ARHGAP24: variants seen among roughly 807,000 people sequenced by gnomAD.
The protein encoded by ARHGAP24 is Rho GTPase activating protein 24.
ARHGAP24 carries 50 observed loss-of-function variants against 76.4 expected under a neutral mutation model. The ratio of observed to expected loss-of-function variants is 0.65; its 90% CI spans 0.52 to 0.83. The LOEUF is 0.83. Ranked by LOEUF, ARHGAP24 falls within the 40% of genes least tolerant of loss-of-function variation. The pLI is 0.00. For missense variants in ARHGAP24, 930 were observed against 914.2 expected, an observed-to-expected ratio of 1.02 and a Z score of -0.22; for synonymous variants, 345 against 323.3, an observed-to-expected ratio of 1.07 and a Z score of -0.72.
intron 1 of ARHGAP24, among the ~76,000 whole-genome samples, chr4:85,514,817 TA>T (rs773699457): frequency 0.06 from 4,970 of 82,380 alleles, 188 homozygotes; most frequent in African/African-American, 0.08. Flanking sequence ...CTCTAAATTG[TA>T]AAAAAAAAAA....
intron 1 of ARHGAP24, among the ~76,000 whole-genome samples, chr4:85,499,765 G>T: frequency 6.6e-6 from 1 of 152,348 alleles, no homozygotes; most frequent in East Asian, 1.9e-4. Flanking sequence ...CTAGGTCTGT[G>T]CTGTTCCGTG....
intron 2 of ARHGAP24, among the ~76,000 whole-genome samples, chr4:85,627,059 C>A (rs1455273229): frequency 6.6e-6 from 1 of 152,154 alleles, no homozygotes; most frequent in Admixed American, 6.5e-5. Context: ...TCATCTGAAG[C>A]CTTCTTCTCT....
chr4:85,646,063 CA>C (rs1159127316), intron 2 of ARHGAP24, among the ~76,000 whole-genome samples: 4 of 152,008 alleles, frequency 2.6e-5, no homozygotes, highest in African/African-American at 7.2e-5. Flanking sequence ...TACAAAATAA[CA>C]AGAGTAAGTG....
Position 85,813,818 on chromosome 4 carries a change from T to TTATATATATATATATATATATATATATA in ARHGAP24, c.268+91871_268+91872insATATATATATATATATATATATATATAT, listed in dbSNP as rs35261368. ...TTATATAAATATATATATATTTATT[T>TTATATATATATATATATATATATATATA]TATATATATATATATATATATATAT... On this transcript the variant is annotated intron_variant, in intron 3 of 9. Coordinates refer to ENST00000395184, the MANE Select transcript of ARHGAP24 (RefSeq NM_001025616.3). Among the ~76,000 whole-genome samples, 88 of 137,072 alleles carry TTATATATATATATATATATATATATATA rather than the reference T, an allele frequency of 6.4e-4. 1 individual carries two copies. The highest frequency in any genetic ancestry group is 2.4e-3 in the African/African-American group (85 of 36,096). The allele number at this position is 137,072 out of a possible 152,430, so 89.9% of individuals were successfully genotyped here.
rs1194967764 is a variant in ARHGAP24 at position 86,002,315 on chromosome 4, T to TATC, written c.*1595_*1597dup. On this transcript the variant is annotated 3_prime_UTR_variant, in exon 10 of 10. Transcript: ENST00000395184. ...TGAGCAAGCGTCTGTGGTCCTATGG[T>TATC]ATCAACCAGTATCTTTATAGCAATA... 2.0e-5 allele frequency: 3 copies of TATC among 152,220 alleles called. No homozygotes were observed. The highest frequency in any genetic ancestry group is 4.4e-5 in the Non-Finnish European group (3 of 68,032). 9.4% of individuals were successfully genotyped at this position (152,220 alleles called of 1,614,324 possible).
intron 2 of ARHGAP24, among the ~76,000 whole-genome samples, chr4:85,620,732 C>T (rs976230763): frequency 6.6e-6 from 1 of 151,630 alleles, no homozygotes; most frequent in African/African-American, 2.4e-5. Context: ...CATTAAGGTA[C>T]AATCTTAGGT....
intron 3 of ARHGAP24, among the ~76,000 whole-genome samples, chr4:85,915,453 G>A (rs1735328682): frequency 6.6e-6 from 1 of 152,082 alleles, no homozygotes; most frequent in Non-Finnish European, 1.5e-5. Flanking sequence ...TAAGTTATGG[G>A]ATACATGTGC....
intron 3 of ARHGAP24, among the ~76,000 whole-genome samples, chr4:85,911,144 G>C (rs1182687498): frequency 6.6e-6 from 1 of 152,192 alleles, no homozygotes; most frequent in African/African-American, 2.4e-5. Flanking sequence ...CCAGGAGGGC[G>C]GGGCTCCTGC....
chr4:85,522,125 T>C (rs141964583), intron 1 of ARHGAP24, among the ~76,000 whole-genome samples: 50 of 152,278 alleles, frequency 3.3e-4, no homozygotes, highest in African/African-American at 1.2e-3. Flanking sequence ...AAAAATTCAT[T>C]AAAACAAATA....
At chr4:85,932,819 G>A (rs1323535284) in intron 4 of ARHGAP24, among the ~76,000 whole-genome samples, 11 of 152,146 alleles carry the variant, frequency 7.2e-5, no homozygotes, top group East Asian at 1.9e-4. Context: ...TCTGGAGCCC[G>A]CTGCATCCCA....
intron 3 of ARHGAP24, among the ~76,000 whole-genome samples, chr4:85,900,881 C>A (rs955813862): frequency 6.6e-6 from 1 of 152,164 alleles, no homozygotes; most frequent in Non-Finnish European, 1.5e-5. Flanking sequence ...TGTTCTCTTG[C>A]AATAGCAGAA....
chr4:85,824,944 G>T (rs1729642786), intron 3 of ARHGAP24, among the ~76,000 whole-genome samples: 1 of 152,058 alleles, frequency 6.6e-6, no homozygotes, highest in South Asian at 2.1e-4. Flanking sequence ...ATAAAAATTA[G>T]CCAGGTGTGA....
intron 5 of ARHGAP24, among the ~76,000 whole-genome samples, chr4:85,945,046 A>G (rs747546988): frequency 7.9e-5 from 12 of 151,910 alleles, no homozygotes; most frequent in African/African-American, 2.4e-5. Context: ...GAGTTTCTCC[A>G]TGTTGGTCAG....
chr4:85,498,486 T>G (rs1318708179), intron 1 of ARHGAP24, among the ~76,000 whole-genome samples: 1 of 152,252 alleles, frequency 6.6e-6, no homozygotes, highest in Non-Finnish European at 1.5e-5. Flanking sequence ...GAGAGTGACC[T>G]GTGCCCTGTT....
intron 2 of ARHGAP24, among the ~76,000 whole-genome samples, chr4:85,630,376 C>T (rs1458573519): frequency 6.6e-6 from 1 of 152,150 alleles, no homozygotes; most frequent in Non-Finnish European, 1.5e-5. Flanking sequence ...ACTGTTTCTT[C>T]ATTTTGTTCT....
chr4:85,668,406 A>G (rs1317225222), intron 2 of ARHGAP24, among the ~76,000 whole-genome samples: 1 of 152,218 alleles, frequency 6.6e-6, no homozygotes, highest in Admixed American at 6.5e-5. Context: ...CTAGGAGAAT[A>G]AAATTATATC....
At chr4:85,572,472 G>A (rs1050454344) in intron 2 of ARHGAP24, among the ~76,000 whole-genome samples, 1 of 152,136 alleles carries the variant, frequency 6.6e-6, no homozygotes, top group African/African-American at 2.4e-5. Flanking sequence ...ACGGACCACA[G>A]TCTTGGATCC....
chr4:85,879,945 CA>C lies in ARHGAP24; in HGVS notation c.269-43701del, dbSNP rs746099517. On this transcript the variant is annotated intron_variant, in intron 3 of 9. Coordinates refer to ENST00000395184, the MANE Select transcript of ARHGAP24 (RefSeq NM_001025616.3). ...CTGGATTCCTCCCATGCGCAGTTCA[CA>C]ATAGGGTTTACACTCCTATGAGAAT... 1.1e-3 allele frequency among the ~76,000 whole-genome samples: 165 copies of C among 152,082 alleles called. 4 individuals carry two copies. The highest frequency in any genetic ancestry group is 2.4e-4 in the Non-Finnish European group (16 of 68,022).
intron 2 of ARHGAP24, among the ~76,000 whole-genome samples, chr4:85,662,825 T>A (rs538614342): frequency 6.6e-6 from 1 of 152,174 alleles, no homozygotes; most frequent in African/African-American, 2.4e-5. Context: ...ATCAGATAGT[T>A]GTAGATATGC....
Sources: gnomAD v4.1 joint callset for allele counts (sites outside exome capture counted in the v4.1 genomes callset) on GRCh38, gnomAD v4.1.1 for gene constraint, MANE v1.5 for transcripts, NCBI Gene and HGNC (gene_info 2026-07-23, HGNC 2026-07-21) for gene names.